Variants in TSNARE1 observed in about 807,000 individuals in gnomAD.
The protein encoded by TSNARE1 is t-SNARE domain-containing protein 1.
Under a neutral mutation model 62.0 loss-of-function variants are expected in TSNARE1, and 49 were observed. The ratio of observed to expected loss-of-function variants is 0.79; its 90% CI spans 0.63 to 1.00. The LOEUF is 1.00. Ranked by LOEUF, TSNARE1 falls within the 50% of genes least tolerant of loss-of-function variation. The pLI, the probability that TSNARE1 is intolerant of heterozygous loss-of-function variation, is 0.00. For missense variants in TSNARE1, 755 were observed against 700.1 expected (o/e 1.08, Z -0.88); for synonymous variants, 328 against 294.4 (o/e 1.11, Z -1.17).
At position 142,221,709 on chromosome 8, in the gene TSNARE1, C is replaced by CCACTCATT. The variant is rs1563753792; in HGVS notation, c.*11+7763_*11+7764insAATGAGTG. Among the ~76,000 whole-genome samples the CCACTCATT allele has an allele frequency of 3.6e-4, 37 of 103,924 alleles. 1 individual carries two copies. The highest frequency in any genetic ancestry group is 5.6e-4 in the Non-Finnish European group (26 of 46,576). 68.2% of individuals were successfully genotyped at this position (103,924 alleles called of 152,430 possible). On this transcript the variant is annotated intron_variant, in intron 13 of 13. Coordinates refer to ENST00000524325, the MANE Select transcript of TSNARE1 (RefSeq NM_145003.5). Reference sequence around the variant, plus strand: ...CTCACTCACTCATCCACTCACTCATCCACTCACTCACTCATTCACTCACTC... The same window carrying CCACTCATT: ...CTCACTCACTCATCCACTCACTCATCCACTCATTCACTCACTCACTCATTCACTCACTC...
At chr8:142,308,573 G>GGTGT (rs1478877145) in intron 9 of TSNARE1, among the ~76,000 whole-genome samples, 6 of 152,092 alleles carry the variant, frequency 3.9e-5, no homozygotes, top group Non-Finnish European at 4.4e-5. Flanking sequence ...TCCATAGGCT[G>GGTGT]GTGTGTCCAC....
intron 6 of TSNARE1, among the ~76,000 whole-genome samples, chr8:142,323,326 A>T (rs1199128289): frequency 6.6e-6 from 1 of 152,266 alleles, no homozygotes; most frequent in Non-Finnish European, 1.5e-5. Context: ...CACGGGGGGC[A>T]GCACCAGCAT....
chr8:142,220,883 C>G (rs541428257), intron 13 of TSNARE1, among the ~76,000 whole-genome samples: 2 of 152,214 alleles, frequency 1.3e-5, no homozygotes, highest in East Asian at 3.9e-4. Flanking sequence ...CTGGCAGTAC[C>G]ACAGAAGATT....
At chr8:142,342,146 T>C (rs1439813940) in intron 4 of TSNARE1, among the ~76,000 whole-genome samples, 1 of 152,194 alleles carries the variant, frequency 6.6e-6, no homozygotes, top group Non-Finnish European at 1.5e-5. Flanking sequence ...GGCCCCCAAC[T>C]GTGCCAAGAG....
chr8:142,245,111 G>T (rs1209181480), intron 12 of TSNARE1, among the ~76,000 whole-genome samples: 1 of 152,228 alleles, frequency 6.6e-6, no homozygotes, highest in African/African-American at 2.4e-5. Context: ...AAATGCAAAT[G>T]GAGACCACAC....
At chr8:142,303,636 G>C (rs1323429442) in intron 9 of TSNARE1, among the ~76,000 whole-genome samples, 1 of 152,222 alleles carries the variant, frequency 6.6e-6, no homozygotes, top group Non-Finnish European at 1.5e-5. Context: ...ATGAACCCCG[G>C]CTGGACACCG....
intron 13 of TSNARE1, among the ~76,000 whole-genome samples, chr8:142,227,129 C>T (rs1339842601): frequency 6.6e-6 from 1 of 151,644 alleles, no homozygotes; most frequent in Non-Finnish European, 1.5e-5. Context: ...GCCAGAACCC[C>T]CACTGCACCC....
intron 13 of TSNARE1, among the ~76,000 whole-genome samples, chr8:142,220,858 T>A (rs4976969): frequency 0.9 from 136,331 of 152,228 alleles, 61,130 homozygotes; most frequent in Non-Finnish European, 0.92. Context: ...CTGTACCTCC[T>A]GGCCAGCAGT....
chr8:142,349,789 G>T (rs1481914915), intron 2 of TSNARE1, among the ~76,000 whole-genome samples: 1 of 152,198 alleles, frequency 6.6e-6, no homozygotes, highest in East Asian at 1.9e-4. Flanking sequence ...CAGGCCGGAG[G>T]TCTCTTCTCA....
intron 12 of TSNARE1, among the ~76,000 whole-genome samples, chr8:142,265,082 G>C (rs1011305137): frequency 6.6e-6 from 1 of 151,488 alleles, no homozygotes. Flanking sequence ...AATACTCTTA[G>C]GTTACCTTAG....
chr8:142,261,069 G>GA (rs374884848), intron 12 of TSNARE1, among the ~76,000 whole-genome samples: 28 of 127,358 alleles, frequency 2.2e-4, no homozygotes, highest in Non-Finnish European at 3.2e-4. Context: ...AAGCAGGAGG[G>GA]AGGAGAGAGG....
At position 142,278,351 on chromosome 8, in the gene TSNARE1, T is replaced by C. The variant is rs535688200; in HGVS notation, c.1364-3488A>G. The C allele has an allele frequency of 4.0e-5, 39 of 985,432 alleles. No homozygotes were observed. The South Asian group carries it at 1.2e-3, about 31-fold the overall frequency. The allele number at this position is 985,432 out of a possible 1,614,324, so 61.0% of individuals were successfully genotyped here. On this transcript the variant is annotated intron_variant, in intron 11 of 13. Coordinates refer to ENST00000524325, the MANE Select transcript of TSNARE1 (RefSeq NM_145003.5). ...CTGCCATGGCTGCCACTGGGGGCGT[T>C]TGAGGCCAGCCCCTGCCTGTCCTGT...
intron 1 of TSNARE1, among the ~76,000 whole-genome samples, chr8:142,398,938 G>A (rs1486465799): frequency 6.6e-6 from 1 of 152,178 alleles, no homozygotes; most frequent in South Asian, 2.1e-4. Context: ...CCCCATCCCA[G>A]ACTCAGCAAG....
At chr8:142,239,699 G>A (rs1246356037) in intron 12 of TSNARE1, among the ~76,000 whole-genome samples, 1 of 152,190 alleles carries the variant, frequency 6.6e-6, no homozygotes, top group Non-Finnish European at 1.5e-5. Flanking sequence ...CCCGAGTGGG[G>A]CCTGTGATTA....
chr8:142,405,822 C>T (rs575243623), upstream of TSNARE1: 333 of 152,780 alleles, frequency 2.2e-3, 3 homozygotes, highest in Non-Finnish European at 3.5e-3. Context: ...GCTCCCAGCA[C>T]AGCTTCTGCT....
At chr8:142,327,744 G>A (rs943111851) in intron 6 of TSNARE1, among the ~76,000 whole-genome samples, 4 of 152,216 alleles carry the variant, frequency 2.6e-5, no homozygotes, top group Admixed American at 6.5e-5. Flanking sequence ...GCTGCCAAGC[G>A]AGGGCCCACG....
chr8:142,397,669 G>C (rs994598606), intron 1 of TSNARE1, among the ~76,000 whole-genome samples: 15 of 152,292 alleles, frequency 9.8e-5, no homozygotes, highest in Admixed American at 7.2e-4. Context: ...CCAGGCCAGC[G>C]TGAGTGCCTG....
At chr8:142,336,636 G>C (rs1474931720) in intron 4 of TSNARE1, among the ~76,000 whole-genome samples, 2 of 152,176 alleles carry the variant, frequency 1.3e-5, no homozygotes, top group Admixed American at 6.5e-5. Context: ...GCGGTCAGCA[G>C]AGCAAGCAGA....
intron 11 of TSNARE1, chr8:142,277,634 G>A (rs759941776): frequency 1.9e-5 from 19 of 985,296 alleles, no homozygotes; most frequent in Non-Finnish European, 2.2e-5. Context: ...CTCTCGCTTG[G>A]GAATTCAACA....
Sources: allele counts gnomAD v4.1 joint callset (sites outside exome capture counted in the v4.1 genomes callset), GRCh38; gene constraint gnomAD v4.1.1; transcripts MANE v1.5; gene names NCBI Gene and HGNC (gene_info 2026-07-23, HGNC 2026-07-21).